The following KLHL3 variants were observed in gnomAD, a reference collection of about 807,000 sequenced individuals.
KLHL3 encodes kelch-like protein 3.
A neutral mutation model predicts 70.5 loss-of-function variants in KLHL3; 19 were observed. The ratio of observed to expected loss-of-function variants is 0.27; its 90% confidence interval spans 0.19 to 0.40. KLHL3 has a LOEUF of 0.40. Among genes scored for constraint, KLHL3 ranks in the 10% least tolerant of loss-of-function variants. KLHL3 has a pLI of 1.00. For missense variants in KLHL3, 512 were observed against 771.1 expected, an observed-to-expected ratio of 0.66 and a Z score of 3.98; for synonymous variants, 258 against 290.3, an observed-to-expected ratio of 0.89 and a Z score of 1.13.
chr5:137,677,551 T>C lies in KLHL3; in HGVS notation c.630A>G (p.Glu210=), dbSNP rs1364275624. Residue 210 remains glutamate (E), a synonymous_variant, in exon 6 of 15, where the codon GAA becomes GAG. Coordinates refer to ENST00000309755, the MANE Select transcript of KLHL3 (RefSeq NM_017415.3). ...ISSDKLTVSS[E]EKVFEAVISW... is the part of the protein sequence containing the mutation. The stretch of plus-strand genomic sequence containing the variant: ...CCAGTGAGCCATGTCATACCTTCTC[T>C]TCTGAAGAAACGGTCAGCTTGTCGC... 6 of 1,596,558 alleles carry C rather than the reference T, an allele frequency of 3.8e-6. No individual in the cohort carries two copies. The highest frequency in any genetic ancestry group is 5.1e-6 in the Non-Finnish European group (6 of 1,170,478).
In KLHL3 at chr5:137,632,790, A is replaced by T. The variant is rs370992210; in HGVS notation, c.1450+1247T>A. Among the ~76,000 whole-genome samples, 6 of 152,346 alleles carry T rather than the reference A, an allele frequency of 3.9e-5. No homozygotes were observed. The East Asian group carries it at 1.2e-3, about 29-fold the overall frequency. On this transcript the variant is annotated intron_variant, in intron 12 of 14. Coordinates refer to ENST00000309755, the MANE Select transcript of KLHL3 (RefSeq NM_017415.3). ...CAAAGGATTAATGTTCAGAATATAC[A>T]AGGAACTCCAACAACTCAACAAGGA...
chr5:137,730,453 G>T (rs1753155580), intron 1 of KLHL3, among the ~76,000 whole-genome samples: 1 of 152,174 alleles, frequency 6.6e-6, no homozygotes, highest in African/African-American at 2.4e-5. Context: ...ATTGAACTTG[G>T]AGTTTCCACA....
chr5:137,707,085 G>A (rs1459938267), intron 3 of KLHL3, among the ~76,000 whole-genome samples: 1 of 152,106 alleles, frequency 6.6e-6, no homozygotes, highest in African/African-American at 2.4e-5. Flanking sequence ...AAAAGATGGA[G>A]GAGAGAACAT....
intron 8 of KLHL3, among the ~76,000 whole-genome samples, chr5:137,654,471 G>A (rs1252741339): frequency 6.6e-6 from 1 of 152,196 alleles, no homozygotes; most frequent in African/African-American, 2.4e-5. Context: ...ACCTATTGCT[G>A]TGATGATTTA....
At chr5:137,725,694 T>C (rs1405848498) in intron 1 of KLHL3, among the ~76,000 whole-genome samples, 2 of 152,212 alleles carry the variant, frequency 1.3e-5, no homozygotes, top group African/African-American at 2.4e-5. Flanking sequence ...TCAGAACACA[T>C]GAATCTAGTC....
chr5:137,640,044 T>G (rs1321285646), intron 8 of KLHL3, 67 bp from the exon 9 acceptor site: 1 of 1,313,552 alleles, frequency 7.6e-7, no homozygotes, highest in Non-Finnish European at 1.1e-6. Context: ...TCCCTGGTAC[T>G]TCCACATGGC....
At chr5:137,644,445 T>C (rs1358231664) in intron 8 of KLHL3, among the ~76,000 whole-genome samples, 2 of 152,218 alleles carry the variant, frequency 1.3e-5, no homozygotes, top group African/African-American at 4.8e-5. Flanking sequence ...GTTGATGCTG[T>C]TTTTTGGCTA....
In KLHL3 at chr5:137,735,813, C is replaced by A; in HGVS notation, c.-167G>T. ...CCCTTCTCAATCCTCCTTCCTCTGA[C>A]TTACTCGCAGCAGCTTCTACCGCAA... On this transcript the variant is annotated 5_prime_UTR_variant, in exon 1 of 15. Coordinates refer to ENST00000309755, the MANE Select transcript of KLHL3 (RefSeq NM_017415.3). 2.3e-6 allele frequency: 2 copies of A among 880,882 alleles called. No individual in the cohort carries two copies. The highest frequency in any genetic ancestry group is 1.4e-5 in the South Asian group (1 of 69,358). 54.6% of individuals were successfully genotyped at this position (880,882 alleles called of 1,614,324 possible). A position where few individuals can be genotyped will look rare whatever the true frequency, so the allele number is the denominator to read the frequency against.
At chr5:137,707,260 C>T (rs1031732155) in intron 3 of KLHL3, among the ~76,000 whole-genome samples, 2 of 152,166 alleles carry the variant, frequency 1.3e-5, no homozygotes, top group Non-Finnish European at 2.9e-5. Flanking sequence ...TGGCAAAACC[C>T]ACTCTCTACT....
intron 8 of KLHL3, among the ~76,000 whole-genome samples, chr5:137,652,309 A>C (rs1751221080): frequency 6.6e-6 from 1 of 152,222 alleles, no homozygotes; most frequent in African/African-American, 2.4e-5. Context: ...CAATCCCACT[A>C]TTGGGTATAT....
At chr5:137,654,545 C>A (rs985761020) in intron 8 of KLHL3, among the ~76,000 whole-genome samples, 1 of 152,206 alleles carries the variant, frequency 6.6e-6, no homozygotes, top group African/African-American at 2.4e-5. Context: ...CCTATTCATT[C>A]TTCAAGCCTT....
chr5:137,626,241 T>G (rs1027387591), intron 13 of KLHL3, among the ~76,000 whole-genome samples: 35 of 152,224 alleles, frequency 2.3e-4, no homozygotes, highest in African/African-American at 8.4e-4. Flanking sequence ...ACAGACCTCC[T>G]GTGCCAGGCC....
chr5:137,734,679 G>A (rs1306887082), intron 1 of KLHL3, among the ~76,000 whole-genome samples: 2 of 152,194 alleles, frequency 1.3e-5, no homozygotes, highest in Non-Finnish European at 2.9e-5. Flanking sequence ...CTTCCCCTCA[G>A]TGGTGCACTG....
chr5:137,630,476 G>C lies in KLHL3; in HGVS notation c.1451-2039C>G, dbSNP rs1251352364. On this transcript the variant is annotated intron_variant, in intron 12 of 14. Coordinates refer to ENST00000309755, the MANE Select transcript of KLHL3 (RefSeq NM_017415.3). ...GGTCTGCCCTCCAACTTCGTGCCTGGCTGCCTCCCCAGGCTTTCGGCCCTA... is the reference window on the plus strand; with the variant it reads ...GGTCTGCCCTCCAACTTCGTGCCTGCCTGCCTCCCCAGGCTTTCGGCCCTA... 3.3e-5 allele frequency among the ~76,000 whole-genome samples: 5 copies of C among 152,026 alleles called. No homozygotes were observed. The South Asian group carries it at 1.0e-3, about 32-fold the overall frequency.
Position 137,628,356 on chromosome 5 carries a change from T to C in KLHL3, c.1532A>G (p.Asp511Gly). 6.2e-7 allele frequency: 1 copy of C among 1,614,152 alleles called. No individual in the cohort carries two copies. Among genetic ancestry groups the C allele is most frequent in the South Asian group, 1.1e-5 (1 of 91,072 alleles). Residue 511 changes from aspartate to glycine, a missense_variant, in exon 13 of 15, where the codon GAT becomes GGT. Physicochemically the swap from Asp to Gly is moderately conservative, Grantham distance 94 (BLOSUM62 -1). Coordinates refer to ENST00000309755, the MANE Select transcript of KLHL3 (RefSeq NM_017415.3). Reference sequence around the variant, plus strand: ...TTGCTTCCAGGTATTTGTTCCAGGATCGTAAACCTCAACGCTCTTCCTCAC... The same window carrying C: ...TTGCTTCCAGGTATTTGTTCCAGGACCGTAAACCTCAACGCTCTTCCTCAC... ...PLVRKSVEVY[D>G]PGTNTWKQVA...
At chr5:137,727,640 G>A (rs867557464) in intron 1 of KLHL3, among the ~76,000 whole-genome samples, 4 of 151,926 alleles carry the variant, frequency 2.6e-5, no homozygotes, top group Non-Finnish European at 4.4e-5. Context: ...TCATTCTCCC[G>A]TGTCTAGCTA....
chr5:137,696,901 C>T (rs1466639240), intron 4 of KLHL3, among the ~76,000 whole-genome samples: 3 of 152,154 alleles, frequency 2.0e-5, no homozygotes, highest in African/African-American at 7.2e-5. Flanking sequence ...GGAACAGGAA[C>T]TCAGGGTCCC....
rs772075296 is a variant in KLHL3, at chr5:137,658,035, G to T, written c.903+96C>A. The T allele has an allele frequency of 8.5e-5, 104 of 1,228,874 alleles. 1 individual carries two copies. The highest frequency in any genetic ancestry group is 1.1e-4 in the Non-Finnish European group (99 of 873,926). 76.1% of individuals were successfully genotyped at this position (1,228,874 alleles called of 1,614,324 possible). A position where few individuals can be genotyped will look rare whatever the true frequency, so the allele number is the denominator to read the frequency against. ...GTTGTAAATGCAACCAAGATGCAGG[G>T]CAGCCATGGGTGAGGAAAGACTTGG... On this transcript the variant is annotated intron_variant, in intron 8 of 14. Coordinates refer to ENST00000309755, the MANE Select transcript of KLHL3 (RefSeq NM_017415.3).
chr5:137,696,635 A>C (rs776807984), intron 4 of KLHL3, among the ~76,000 whole-genome samples: 23 of 152,310 alleles, frequency 1.5e-4, no homozygotes, highest in Non-Finnish European at 3.1e-4. Flanking sequence ...TCATTTCATG[A>C]GAAACTAGAA....
Sources: allele counts gnomAD v4.1 joint callset (sites outside exome capture counted in the v4.1 genomes callset), GRCh38; gene constraint gnomAD v4.1.1; transcripts MANE v1.5; gene names NCBI Gene and HGNC (gene_info 2026-07-23, HGNC 2026-07-21).